The following BBX variants were observed in gnomAD, a reference collection of about 807,000 sequenced individuals.
BBX encodes BBX high mobility group box domain containing, also known as HMG box transcription factor BBX.
In BBX, 30 loss-of-function variants were observed where a neutral mutation model predicts 100.2. That is an observed-to-expected ratio of 0.30 (90% CI 0.22 to 0.41). The LOEUF (loss-of-function observed/expected upper bound fraction) is 0.41, where lower values mean the gene tolerates loss of function less well. Among genes scored for constraint, BBX ranks in the 10% least tolerant of loss-of-function variants. The pLI, the probability that BBX is intolerant of heterozygous loss-of-function variation, is 1.00. For missense variants in BBX, 1,023 were observed against 1,129.8 expected (o/e 0.91, Z 1.35); for synonymous variants, 376 against 388.1 (o/e 0.97, Z 0.37).
chr3:107,760,903 T>C (rs62262033), intron 10 of BBX, among the ~76,000 whole-genome samples: 20,257 of 152,238 alleles, frequency 0.13, 1,545 homozygotes, highest in Middle Eastern at 0.17. Context: ...TATAGATTTC[T>C]GACTTCTGAA....
At chr3:107,633,451 A>C (rs533193091) in intron 2 of BBX, among the ~76,000 whole-genome samples, 1 of 152,336 alleles carries the variant, frequency 6.6e-6, no homozygotes, top group South Asian at 2.1e-4. Context: ...TATAACCTGA[A>C]CTTTTGAAAA....
intron 3 of BBX, among the ~76,000 whole-genome samples, chr3:107,698,329 T>TG (rs2060802276): frequency 6.6e-6 from 1 of 151,550 alleles, no homozygotes; most frequent in Admixed American, 6.6e-5. Flanking sequence ...ATATGTTTTT[T>TG]TTAAAAAAAA....
intron 3 of BBX, among the ~76,000 whole-genome samples, chr3:107,675,564 A>G (rs1415457721): frequency 6.6e-6 from 1 of 152,140 alleles, no homozygotes; most frequent in Admixed American, 6.6e-5. Context: ...CTCAGTTTTA[A>G]TACCGTCGTT....
Position 107,798,670 on chromosome 3 carries a change from A to G in BBX, c.2501A>G (p.His834Arg). The G allele has an allele frequency of 6.2e-7, 1 of 1,614,010 alleles. No individual in the cohort carries two copies. ...AAAGCAAGGAAAACCAAGATTACAC[A>G]CCTTGTCAGGACAGCAGATGGCCGG... ...KRKARKTKIT[H>R]LVRTADGRVS... Residue 834 changes from histidine (H) to arginine (R), a missense_variant, in exon 16 of 18, where the codon CAC (histidine) becomes CGC (arginine). By Grantham distance (29) the His-to-Arg change is conservative (BLOSUM62 0). Around this residue, in one of 9 missense-constraint regions of BBX, gnomAD observed 12 missense variants for 30.7 expected, o/e 0.39. Coordinates refer to ENST00000325805, the MANE Select transcript of BBX (RefSeq NM_001142568.3).
chr3:107,733,046 C>T (rs866142052), intron 7 of BBX, 23 bp downstream of exon 7: 2 of 1,604,070 alleles, frequency 1.2e-6, no homozygotes, highest in South Asian at 2.2e-5. Context: ...TTTTCCGTCT[C>T]CACTCTGCTC....
chr3:107,664,710 G>C (rs2058650051), intron 3 of BBX, among the ~76,000 whole-genome samples: 1 of 152,156 alleles, frequency 6.6e-6, no homozygotes, highest in Non-Finnish European at 1.5e-5. Context: ...TGCAATAAAT[G>C]AAAACTGTCA....
At chr3:107,583,888 TTATA>T (rs1342819983) in intron 2 of BBX, among the ~76,000 whole-genome samples, 1 of 126,462 alleles carries the variant, frequency 7.9e-6, no homozygotes, top group East Asian at 2.1e-4. Context: ...TTTATATATA[TTATA>T]TATAAAGTAT....
At chr3:107,697,611 A>G (rs2060719346) in intron 3 of BBX, among the ~76,000 whole-genome samples, 1 of 151,916 alleles carries the variant, frequency 6.6e-6, no homozygotes, top group Non-Finnish European at 1.5e-5. Context: ...GCTGTCAGAC[A>G]GGGACATTTA....
At chr3:107,582,539 G>A (rs1246949136) in intron 2 of BBX, among the ~76,000 whole-genome samples, 1 of 151,822 alleles carries the variant, frequency 6.6e-6, no homozygotes, top group Admixed American at 6.6e-5. Flanking sequence ...AACAAAGGAG[G>A]GTACGTTCTC....
At chr3:107,754,918 T>C (rs1235388729) in intron 9 of BBX, among the ~76,000 whole-genome samples, 2 of 152,218 alleles carry the variant, frequency 1.3e-5, no homozygotes, top group Admixed American at 6.5e-5. Context: ...TGTTTATTTT[T>C]ATCAATGCCC....
chr3:107,628,917 C>T (rs1224018965), intron 2 of BBX, among the ~76,000 whole-genome samples: 1 of 152,150 alleles, frequency 6.6e-6, no homozygotes, highest in Non-Finnish European at 1.5e-5. Context: ...AGATAGTAAA[C>T]TACATCATGT....
intron 7 of BBX, among the ~76,000 whole-genome samples, chr3:107,743,888 T>A (rs999507073): frequency 4.7e-5 from 7 of 149,940 alleles, no homozygotes; most frequent in African/African-American, 1.5e-4. Flanking sequence ...GAGGTAACAT[T>A]GTAGGTGATT....
chr3:107,640,775 C>G (rs1057030038), intron 2 of BBX, among the ~76,000 whole-genome samples: 1 of 152,108 alleles, frequency 6.6e-6, no homozygotes, highest in Non-Finnish European at 1.5e-5. Context: ...GATTCTCCTG[C>G]CTCAGCCTCC....
At chr3:107,558,333 C>G (rs1187529030) in intron 2 of BBX, among the ~76,000 whole-genome samples, 1 of 152,094 alleles carries the variant, frequency 6.6e-6, no homozygotes, top group Admixed American at 6.5e-5. Flanking sequence ...CTAAGAAATA[C>G]AATAATTAGC....
chr3:107,565,701 C>T (rs1201642302), intron 2 of BBX, among the ~76,000 whole-genome samples: 1 of 150,928 alleles, frequency 6.6e-6, no homozygotes, highest in Non-Finnish European at 1.5e-5. Flanking sequence ...AACTCCTGCC[C>T]TCGTGATCCA....
chr3:107,751,055 T>A (rs1291372441), intron 9 of BBX, among the ~76,000 whole-genome samples: 1 of 151,968 alleles, frequency 6.6e-6, no homozygotes, highest in African/African-American at 2.4e-5. Context: ...AGAACCACAG[T>A]TTGAGACCAC....
chr3:107,551,029 G>A (rs934563799), intron 2 of BBX, among the ~76,000 whole-genome samples: 14 of 152,076 alleles, frequency 9.2e-5, no homozygotes, highest in Non-Finnish European at 1.8e-4. Flanking sequence ...AGAGTTTAGC[G>A]CTATCTAAGT....
chr3:107,790,956 C>T (rs2068955839), intron 14 of BBX, among the ~76,000 whole-genome samples: 1 of 152,068 alleles, frequency 6.6e-6, no homozygotes, highest in Admixed American at 6.5e-5. Flanking sequence ...CAGCTTTTTT[C>T]ATTCCGTTTT....
intron 3 of BBX, among the ~76,000 whole-genome samples, chr3:107,674,561 A>G (rs549482284): frequency 6.6e-6 from 1 of 152,302 alleles, no homozygotes; most frequent in South Asian, 2.1e-4. Flanking sequence ...TGCGATGCGT[A>G]GAATTGCTTT....
Sources: allele counts gnomAD v4.1 joint callset (sites outside exome capture counted in the v4.1 genomes callset), GRCh38; gene constraint gnomAD v4.1.1; regional missense constraint gnomAD v4.1.1; transcripts MANE v1.5; gene names NCBI Gene and HGNC (gene_info 2026-07-23, HGNC 2026-07-21).